The following ORC5 variants were observed in gnomAD, a reference collection of about 807,000 sequenced individuals.
ORC5 encodes the protein origin recognition complex subunit 5, also known as protein phosphatase 1, regulatory subunit 117.
ORC5 carries 39 observed loss-of-function variants against 58.8 expected under a neutral mutation model. That is an observed-to-expected ratio of 0.66 (90% CI 0.51 to 0.87). ORC5 has a LOEUF of 0.87. Ranked by LOEUF, ORC5 falls within the 40% of genes least tolerant of loss-of-function variation. The pLI is 0.00. For synonymous variants in ORC5, 218 were observed against 177.6 expected (o/e 1.23, Z -1.81); for missense variants, 493 against 506.3 (o/e 0.97, Z 0.25).
chr7:104,147,931 A>G (rs1280013354), intron 12 of ORC5, among the ~76,000 whole-genome samples: 1 of 152,128 alleles, frequency 6.6e-6, no homozygotes, highest in Non-Finnish European at 1.5e-5. Flanking sequence ...AATTCCTGAG[A>G]ATGACACATA....
intron 12 of ORC5, among the ~76,000 whole-genome samples, chr7:104,160,703 T>C (rs1799007387): frequency 6.6e-6 from 1 of 152,106 alleles, no homozygotes; most frequent in African/African-American, 2.4e-5. Context: ...ACATTGTAGA[T>C]TACTCTGTTA....
intron 8 of ORC5, among the ~76,000 whole-genome samples, chr7:104,174,066 G>A (rs954411636): frequency 9.2e-5 from 14 of 151,602 alleles, no homozygotes; most frequent in African/African-American, 2.4e-4. Flanking sequence ...GGATGGTCTC[G>A]ATCTCCTGAC....
intron 12 of ORC5, among the ~76,000 whole-genome samples, chr7:104,150,955 G>C (rs1441246685): frequency 6.6e-6 from 1 of 152,200 alleles, no homozygotes; most frequent in African/African-American, 2.4e-5. Flanking sequence ...GCAAAGTGCA[G>C]ATTCACTGAG....
Position 104,166,843 on chromosome 7 carries a change from T to TA in ORC5, c.918dup (p.Lys307Ter). 1 of 1,612,626 alleles carries TA rather than the reference T, an allele frequency of 6.2e-7. No individual in the cohort carries two copies. Among genetic ancestry groups the TA allele is most frequent in the Admixed American group, 1.7e-5 (1 of 59,988 alleles). Reference sequence around the variant, plus strand: ...AGGTATGCAGCAATTAGAATGAACTTAGAGTAATATGGAAGTTCCACATGA... The same window carrying TA: ...AGGTATGCAGCAATTAGAATGAACTTAAGAGTAATATGGAAGTTCCACATGA... On this transcript the variant is annotated frameshift_variant, in exon 10 of 14. Coordinates refer to ENST00000297431, the MANE Select transcript of ORC5 (RefSeq NM_002553.4). LOFTEE classifies it high-confidence loss of function.
chr7:104,174,713 A>G (rs1417535438), intron 8 of ORC5, among the ~76,000 whole-genome samples: 2 of 152,350 alleles, frequency 1.3e-5, no homozygotes, highest in African/African-American at 2.4e-5. Context: ...CAGCTTTCCA[A>G]TAAGATCTCA....
rs561325896 is a variant in ORC5 at position 104,142,819 on chromosome 7, C to T, written c.1150-5926G>A. On this transcript the variant is annotated intron_variant, in intron 12 of 13. Transcript: ENST00000297431. ...CTCTTAAAAGATTAATTGTTTGACA[C>T]CTTTACTATGAAAAGAAGAGACACA... is the stretch of plus-strand genomic sequence containing the variant. Among the ~76,000 whole-genome samples the T allele has an allele frequency of 1.2e-4, 19 of 152,242 alleles. No homozygotes were observed. In the South Asian group the frequency reaches 3.7e-3, roughly 30 times the overall value.
intron 11 of ORC5, among the ~76,000 whole-genome samples, 160 bp downstream of exon 11, chr7:104,165,075 A>G (rs1386157091): frequency 6.6e-6 from 1 of 152,200 alleles, no homozygotes; most frequent in Admixed American, 6.5e-5. Context: ...GCATTCAATC[A>G]CTATATTCAA....
rs892916191 is a variant in ORC5, at chr7:104,138,440, G to C, written c.1150-1547C>G. 6.6e-6 allele frequency among the ~76,000 whole-genome samples: 1 copy of C among 152,096 alleles called. No individual in the cohort carries two copies. On this transcript the variant is annotated intron_variant, in intron 12 of 13. Transcript: ENST00000297431. The surrounding 1 kb of genome is among the most constrained non-coding windows in gnomAD (Gnocchi z 4.7). ...TTTTTAAGAGTTAGGTAGCTGGTTAGATGAGAGATAAGAAATACATCCTTC... is the reference window on the plus strand; with the variant it reads ...TTTTTAAGAGTTAGGTAGCTGGTTACATGAGAGATAAGAAATACATCCTTC...
At chr7:104,143,349 T>C (rs1273225263) in intron 12 of ORC5, among the ~76,000 whole-genome samples, 1 of 152,180 alleles carries the variant, frequency 6.6e-6, no homozygotes, top group Non-Finnish European at 1.5e-5. Flanking sequence ...GTCTTTAATA[T>C]AGTTAAGTTA....
intron 12 of ORC5, among the ~76,000 whole-genome samples, chr7:104,156,247 A>G (rs1798923460): frequency 6.6e-6 from 1 of 151,776 alleles, no homozygotes; most frequent in African/African-American, 2.4e-5. Context: ...GACTAAAATA[A>G]TAATCTAAAA....
intron 8 of ORC5, among the ~76,000 whole-genome samples, chr7:104,171,802 C>CTG (rs1359890799): frequency 6.6e-6 from 1 of 152,112 alleles, no homozygotes; most frequent in Non-Finnish European, 1.5e-5. Context: ...CTGCTATGAG[C>CTG]TGTGATCTTG....
intron 8 of ORC5, among the ~76,000 whole-genome samples, chr7:104,183,250 G>T (rs540654058): frequency 2.0e-4 from 30 of 152,230 alleles, no homozygotes; most frequent in Non-Finnish European, 3.1e-4. Flanking sequence ...ACGGACTCTA[G>T]GTAGACTCAG....
At chr7:104,168,971 A>G (rs1012838853) in intron 8 of ORC5, among the ~76,000 whole-genome samples, 2 of 152,198 alleles carry the variant, frequency 1.3e-5, no homozygotes, top group African/African-American at 4.8e-5. Context: ...ACTCCCAGCT[A>G]CTTGGGTGGC....
rs1383946878 is a variant in ORC5 at position 104,129,560 on chromosome 7, T to C, written c.1263-2667A>G. 6.6e-6 allele frequency among the ~76,000 whole-genome samples: 1 copy of C among 152,174 alleles called. No individual in the cohort carries two copies. Among genetic ancestry groups the C allele is most frequent in the Non-Finnish European group, 1.5e-5 (1 of 68,016 alleles). On this transcript the variant is annotated intron_variant, in intron 13 of 13. Coordinates refer to ENST00000297431, the MANE Select transcript of ORC5 (RefSeq NM_002553.4). The surrounding 1 kb of genome is among the most constrained non-coding windows in gnomAD (Gnocchi z 4.9). ...GACATGGCAGAATTTGTTAGAATAA[T>C]CACAGGGGCAACATAAAAAACTATG...
chr7:104,170,008 A>T (rs2115891084), intron 8 of ORC5, among the ~76,000 whole-genome samples: 1 of 152,272 alleles, frequency 6.6e-6, no homozygotes, highest in East Asian at 1.9e-4. Flanking sequence ...TCTTATGAGT[A>T]GTGTTCTCTG....
At chr7:104,199,423 G>A (rs1180405087) in intron 3 of ORC5, among the ~76,000 whole-genome samples, 1 of 152,166 alleles carries the variant, frequency 6.6e-6, no homozygotes, top group African/African-American at 2.4e-5. Flanking sequence ...AGGTCGAGCT[G>A]CATGAGGCTG....
intron 5 of ORC5, among the ~76,000 whole-genome samples, chr7:104,191,812 G>T (rs959865198): frequency 2.0e-5 from 3 of 151,882 alleles, no homozygotes; most frequent in African/African-American, 7.3e-5. Flanking sequence ...TGTCTCCTTG[G>T]GTCTTAAAAT....
intron 1 of ORC5, among the ~76,000 whole-genome samples, chr7:104,206,275 G>T (rs1800081047): frequency 6.6e-6 from 1 of 152,150 alleles, no homozygotes; most frequent in African/African-American, 2.4e-5. Context: ...TTAGAAACAT[G>T]AACCAATTTT....
chr7:104,169,762 T>C (rs1172896743), intron 8 of ORC5, among the ~76,000 whole-genome samples: 2 of 152,206 alleles, frequency 1.3e-5, no homozygotes, highest in Admixed American at 1.3e-4. Context: ...CTCTCACCTG[T>C]ATAGCAATCA....
Sources: gnomAD v4.1 joint callset for allele counts (sites outside exome capture counted in the v4.1 genomes callset) on GRCh38, gnomAD v4.1.1 for gene constraint, Gnocchi (gnomAD v3.1) non-coding constraint, MANE v1.5 for transcripts, NCBI Gene and HGNC (gene_info 2026-07-23, HGNC 2026-07-21) for gene names.